Variants in DNAH7 observed in about 807,000 individuals in gnomAD.
DNAH7 encodes axonemal beta dynein heavy chain 7.
A neutral mutation model predicts 444.6 loss-of-function variants in DNAH7; 397 were observed. The observed-to-expected ratio is 0.89, with a 90% CI of 0.82 to 0.97. The LOEUF is 0.97. Among genes scored for constraint, DNAH7 ranks in the 50% least tolerant of loss-of-function variants. The pLI, the probability that DNAH7 is intolerant of heterozygous loss-of-function variation, is 0.00. For missense variants in DNAH7, 4,902 were observed against 4,800.8 expected (o/e 1.02, Z -0.62); for synonymous variants, 1,636 against 1,624.4 (o/e 1.01, Z -0.17).
intron 58 of DNAH7, among the ~76,000 whole-genome samples, chr2:195,782,105 C>T (rs1292899121): frequency 6.6e-6 from 1 of 152,032 alleles, no homozygotes. Flanking sequence ...TCTTCTTTTA[C>T]ACTTTTAATT....
At chr2:196,010,620 CTCCCAT>C (rs1694671146) in intron 10 of DNAH7, among the ~76,000 whole-genome samples, 2 of 152,176 alleles carry the variant, frequency 1.3e-5, no homozygotes, top group Admixed American at 1.3e-4. Context: ...GATAGCTGTA[CTCCCAT>C]GTTTATTGCA....
chr2:195,860,457 C>T (rs1346291675), intron 42 of DNAH7, among the ~76,000 whole-genome samples: 1 of 152,028 alleles, frequency 6.6e-6, no homozygotes, highest in Admixed American at 6.6e-5. Flanking sequence ...CCAAGCTATG[C>T]AGCAGTCACG....
chr2:195,772,011 C>A (rs1175255165), intron 60 of DNAH7, 121 bp from the exon 61 acceptor site: 4 of 802,226 alleles, frequency 5.0e-6, no homozygotes, highest in Non-Finnish European at 8.2e-6. Flanking sequence ...TATCCATGAT[C>A]CATCTCCACA....
At position 195,969,946 on chromosome 2, in the gene DNAH7, A is replaced by T; in HGVS notation, c.2205+2T>A. The T allele has an allele frequency of 6.2e-7, 1 of 1,603,240 alleles. No individual in the cohort carries two copies. Among genetic ancestry groups the T allele is most frequent in the East Asian group, 2.2e-5 (1 of 44,582 alleles). Reference sequence around the variant, plus strand: ...ATCTTTTTAAGAATTTTTGAATTATACCTTATCTGCAGCTAAATCCAACTT... The same window carrying T: ...ATCTTTTTAAGAATTTTTGAATTATTCCTTATCTGCAGCTAAATCCAACTT... On this transcript the variant is annotated splice_donor_variant, in intron 17 of 64. Coordinates refer to ENST00000312428, the MANE Select transcript of DNAH7 (RefSeq NM_018897.3). LOFTEE classifies it high-confidence loss of function.
chr2:196,064,994 T>G (rs892819034), intron 1 of DNAH7, among the ~76,000 whole-genome samples: 12 of 152,206 alleles, frequency 7.9e-5, no homozygotes, highest in African/African-American at 2.9e-4. Flanking sequence ...TGTGCATCTC[T>G]GTTTTGTCCC....
chr2:195,944,257 A>C (rs537622115), intron 19 of DNAH7, among the ~76,000 whole-genome samples: 14 of 152,268 alleles, frequency 9.2e-5, no homozygotes, highest in African/African-American at 3.4e-4. Flanking sequence ...ATCTGCAAGC[A>C]ACTCTCTAAT....
intron 52 of DNAH7, among the ~76,000 whole-genome samples, chr2:195,809,164 T>C (rs926105785): frequency 1.1e-4 from 17 of 152,232 alleles, no homozygotes; most frequent in African/African-American, 4.1e-4. Context: ...GAATACGTGT[T>C]TTCCAAAATG....
intron 17 of DNAH7, 108 bp downstream of exon 17, chr2:195,969,840 G>A (rs1691723381): frequency 1.4e-5 from 15 of 1,080,584 alleles, no homozygotes; most frequent in Non-Finnish European, 2.0e-5. Flanking sequence ...CTAATTAAAT[G>A]TGGTTACTGT....
rs376444970 is a variant in DNAH7, at chr2:195,972,391, C to G, written c.1909G>C (p.Ala637Pro). The G allele has an allele frequency of 6.2e-7, 1 of 1,614,014 alleles. No individual in the cohort carries two copies. Among genetic ancestry groups the G allele is most frequent in the South Asian group, 1.1e-5 (1 of 91,076 alleles). The part of the protein sequence containing the change: ...QRLVDSKNCL[A>P]FLIEYVNFSP... ...AAGTTGACATACTCGATGAGGAAGG[C>G]GAGGCAGTTTTTGGAATCCACTAAT... Residue 637 changes from alanine to proline, a missense_variant, in exon 16 of 65, where the codon GCC becomes CCC. Transcript: ENST00000312428.
chr2:195,979,872 A>G (rs1692448252), intron 15 of DNAH7, among the ~76,000 whole-genome samples: 1 of 152,004 alleles, frequency 6.6e-6, no homozygotes, highest in South Asian at 2.1e-4. Flanking sequence ...GAAGAAATGG[A>G]CAAATTCCTA....
chr2:196,046,625 C>T (rs912284340), intron 5 of DNAH7, among the ~76,000 whole-genome samples: 35 of 152,050 alleles, frequency 2.3e-4, no homozygotes, highest in Non-Finnish European at 4.1e-4. Flanking sequence ...TACGCTCAAC[C>T]CAGCTGCATG....
In DNAH7 at chr2:195,775,922, C is replaced by A; in HGVS notation, c.11126G>T (p.Gly3709Val). ...AGTGATATCTGCATTGGCATTCATC[C>A]CAAAGATTTCTGGTGCTGGGGTCAG... ...LPLTPAPEIF[G>V]MNANADITKD... Residue 3709 changes from glycine to valine, a missense_variant, in exon 60 of 65, where the codon GGG becomes GTG. By Grantham distance (109) the Gly-to-Val change is moderately radical. Transcript: ENST00000312428. 6.2e-7 allele frequency: 1 copy of A among 1,614,102 alleles called. No individual in the cohort carries two copies. Among genetic ancestry groups the A allele is most frequent in the African/African-American group, 1.3e-5 (1 of 75,020 alleles).
intron 10 of DNAH7, among the ~76,000 whole-genome samples, chr2:196,010,419 G>A (rs1447748484): frequency 1.3e-5 from 2 of 152,088 alleles, no homozygotes; most frequent in Non-Finnish European, 2.9e-5. Context: ...AGTGCTGGGA[G>A]TGATAGGTGT....
intron 36 of DNAH7, among the ~76,000 whole-genome samples, chr2:195,878,501 G>A (rs1169155426): frequency 6.6e-6 from 1 of 152,120 alleles, no homozygotes; most frequent in Non-Finnish European, 1.5e-5. Context: ...TTGGGAGGCT[G>A]AAGTGGGGGG....
intron 18 of DNAH7, among the ~76,000 whole-genome samples, 155 bp from the exon 19 acceptor site, chr2:195,957,602 GT>G (rs1451398207): frequency 7.1e-6 from 1 of 140,498 alleles, no homozygotes; most frequent in Non-Finnish European, 1.5e-5. Flanking sequence ...TTATACAATT[GT>G]TATACATTAT....
In DNAH7 at chr2:196,025,571, C is replaced by T. The variant is rs41396149; in HGVS notation, c.668-1067G>A. Among the ~76,000 whole-genome samples the T allele has an allele frequency of 0.02, 3,013 of 152,208 alleles. 252 individuals are homozygous for T. The East Asian group carries it at 0.27, about 14-fold the overall frequency. The stretch of plus-strand genomic sequence containing the variant: ...CCATTTCCTAGGCCAAGCATGTTCC[C>T]GACTAGACTGTTTTTCATCCTTCAA... On this transcript the variant is annotated intron_variant, in intron 7 of 64. Coordinates refer to ENST00000312428, the MANE Select transcript of DNAH7 (RefSeq NM_018897.3).
rs1284247615 is a variant in DNAH7 at position 195,934,704 on chromosome 2, T to G, written c.3358A>C (p.Ser1120Arg). ...ATGAGTTCTACAACCTCTCCTTCGC[T>G]GCTCTTCATGTGAGTAATGTCTAAA... is the stretch of plus-strand genomic sequence containing the variant. ...ETLDITHMKSSEGEVVELIEI... is the reference protein window; with the variant it reads ...ETLDITHMKSREGEVVELIEI... The change falls in exon 21 of 65, where the codon AGC becomes CGC. Residue 1120 changes from serine to arginine, a missense_variant. Ser to Arg is a moderately radical substitution (Grantham distance 110). Transcript: ENST00000312428. 6.2e-7 allele frequency: 1 copy of G among 1,614,136 alleles called. No individual in the cohort carries two copies. The highest frequency in any genetic ancestry group is 2.2e-5 in the East Asian group (1 of 44,872).
At position 196,048,276 on chromosome 2, in the gene DNAH7, T is replaced by G; in HGVS notation, c.250+20A>C. The G allele has an allele frequency of 6.4e-7, 1 of 1,570,322 alleles. No homozygotes were observed. The highest frequency in any genetic ancestry group is 2.2e-5 in the East Asian group (1 of 44,614). On this transcript the variant is annotated intron_variant, in intron 4 of 64. Transcript: ENST00000312428. ...CTACAAATTATCCTTAAATCTAATT[T>G]AGAATATTGAAGTTCTTACCATGGG...
intron 24 of DNAH7, among the ~76,000 whole-genome samples, chr2:195,919,789 T>C (rs1233822317): frequency 6.6e-6 from 1 of 152,240 alleles, no homozygotes; most frequent in East Asian, 1.9e-4. Context: ...ACTGGGTTGA[T>C]AAATAGCCAC....
Sources: gnomAD v4.1 joint callset for allele counts (sites outside exome capture counted in the v4.1 genomes callset) on GRCh38, gnomAD v4.1.1 for gene constraint, MANE v1.5 for transcripts, NCBI Gene and HGNC (gene_info 2026-07-23, HGNC 2026-07-21) for gene names.